The following TRPM6 variants were observed in gnomAD, a reference collection of about 807,000 sequenced individuals.
The protein encoded by TRPM6 is transient receptor potential cation channel subfamily M member 6.
TRPM6 carries 111 observed loss-of-function variants against 247.6 expected under a neutral mutation model. That is an observed-to-expected ratio of 0.45 (90% CI 0.38 to 0.52). The LOEUF (loss-of-function observed/expected upper bound fraction) is 0.52, where lower values mean the gene tolerates loss of function less well. Among genes scored for constraint, TRPM6 ranks in the 20% least tolerant of loss-of-function variants. TRPM6 has a pLI of 0.00. For synonymous variants in TRPM6, 892 were observed against 853.8 expected (o/e 1.04, Z -0.78); for missense variants, 2,126 against 2,421.5 (o/e 0.88, Z 2.56).
intron 1 of TRPM6, among the ~76,000 whole-genome samples, chr9:74,870,886 T>C (rs902361551): frequency 7.3e-5 from 11 of 151,526 alleles, no homozygotes; most frequent in African/African-American, 2.7e-4. Context: ...TGAGCCAAGA[T>C]AGTGCCACGG....
chr9:74,835,455 A>T (rs1829693510), intron 5 of TRPM6, among the ~76,000 whole-genome samples: 1 of 152,158 alleles, frequency 6.6e-6, no homozygotes, highest in Non-Finnish European at 1.5e-5. Flanking sequence ...TCATTAAGGC[A>T]AACTAATTTA....
intron 7 of TRPM6, among the ~76,000 whole-genome samples, chr9:74,823,726 G>C (rs1829214065): frequency 6.6e-6 from 1 of 152,126 alleles, no homozygotes; most frequent in African/African-American, 2.4e-5. Context: ...ATATTTTATT[G>C]ATTTTGGAAT....
intron 7 of TRPM6, 71 bp from the exon 8 acceptor site, chr9:74,821,908 C>G (rs1829141472): frequency 6.4e-7 from 1 of 1,553,790 alleles, no homozygotes; most frequent in Admixed American, 1.8e-5. Flanking sequence ...GTTTTGACTT[C>G]CAGACACAAG....
rs1050115502 is a variant in TRPM6, at chr9:74,723,819, T to C, written c.*794A>G. On this transcript the variant is annotated 3_prime_UTR_variant, in exon 39 of 39. Transcript: ENST00000360774. ...TCTCAAAAATAAAAATATATATATA[T>C]ATATATAAAATATATATATTCCATA... 6.8e-6 allele frequency: 1 copy of C among 146,088 alleles called. No individual in the cohort carries two copies. Among genetic ancestry groups the C allele is most frequent in the African/African-American group, 2.5e-5 (1 of 40,148 alleles). 9.0% of individuals were successfully genotyped at this position (146,088 alleles called of 1,614,324 possible).
intron 19 of TRPM6, among the ~76,000 whole-genome samples, chr9:74,789,146 T>C (rs1023126202): frequency 6.6e-6 from 1 of 152,192 alleles, no homozygotes; most frequent in African/African-American, 2.4e-5. Context: ...GCAGTGGCAA[T>C]AGATGCTTAT....
intron 6 of TRPM6, among the ~76,000 whole-genome samples, chr9:74,830,146 A>G (rs1829492110): frequency 6.6e-6 from 1 of 152,108 alleles, no homozygotes; most frequent in Non-Finnish European, 1.5e-5. Context: ...ACAAAACAAA[A>G]CAAAAAAACT....
In TRPM6 at chr9:74,802,040, T is replaced by A. The variant is rs1467717906; in HGVS notation, c.1867A>T (p.Met623Leu). Residue 623 changes from methionine (M) to leucine (L), a missense_variant, in exon 16 of 39, where the codon ATG (methionine) becomes TTG (leucine). Physicochemically the swap from Met to Leu is conservative, Grantham distance 15 (BLOSUM62 2). This residue lies in a region of TRPM6 where 1,082 missense variants were observed against 1,307.9 expected (regional missense o/e 0.83). Transcript: ENST00000360774. ...VWAVLMKRQK[M>L]AMFFWQHGEE... ...CCATGCTGCCAGAAGAACATAGCCA[T>A]CTTCTGCCTTTTCATCAGCACAGCC... is the stretch of plus-strand genomic sequence containing the variant. The A allele has an allele frequency of 1.9e-6, 3 of 1,614,186 alleles. No individual in the cohort carries two copies. The highest frequency in any genetic ancestry group is 3.3e-5 in the Admixed American group (2 of 60,032).
intron 3 of TRPM6, among the ~76,000 whole-genome samples, chr9:74,852,417 G>T (rs1329841415): frequency 1.4e-5 from 2 of 141,802 alleles, no homozygotes. Context: ...TCCCGCTCCC[G>T]CTCCCTCTCC....
At chr9:74,854,182 TA>T in intron 3 of TRPM6, among the ~76,000 whole-genome samples, 1 of 152,272 alleles carries the variant, frequency 6.6e-6, no homozygotes, top group Non-Finnish European at 1.5e-5. Context: ...AAAATAAAAC[TA>T]GTCTCATCTA....
chr9:74,788,851 C>T (rs183201970), intron 19 of TRPM6, 109 bp from the exon 20 acceptor site: 22 of 1,350,112 alleles, frequency 1.6e-5, no homozygotes, highest in African/African-American at 5.8e-5. Context: ...CATGATAACA[C>T]GAACACAGAA....
chr9:74,827,169 C>T (rs1213563822), intron 7 of TRPM6: 1 of 153,592 alleles, frequency 6.5e-6, no homozygotes, highest in Admixed American at 6.5e-5. Flanking sequence ...AAGCTAGCCT[C>T]CTTAATGCTC....
At chr9:74,761,319 T>C (rs1313520645) in intron 27 of TRPM6, among the ~76,000 whole-genome samples, 2 of 152,242 alleles carry the variant, frequency 1.3e-5, no homozygotes, top group African/African-American at 4.8e-5. Flanking sequence ...CAAATGTTCA[T>C]AACAGCTTTT....
chr9:74,789,915 T>C (rs4237269), intron 19 of TRPM6, among the ~76,000 whole-genome samples: 72,264 of 143,970 alleles, frequency 0.5, 17,951 homozygotes, highest in East Asian at 0.63. Flanking sequence ...GAGCCGAGAT[T>C]GCACCATTGC....
intron 1 of TRPM6, chr9:74,887,487 C>T: frequency 1.9e-6 from 2 of 1,068,140 alleles, no homozygotes; most frequent in Non-Finnish European, 2.7e-6. Flanking sequence ...TCAGAGCTGC[C>T]TCCTCTCCCG....
chr9:74,788,859 G>A (rs1827791434), intron 19 of TRPM6, 117 bp from the exon 20 acceptor site: 3 of 1,231,208 alleles, frequency 2.4e-6, no homozygotes, highest in South Asian at 2.6e-5. Flanking sequence ...CACGAACACA[G>A]AACTAGGACC....
At chr9:74,777,078 C>G (rs528870774) in intron 23 of TRPM6, among the ~76,000 whole-genome samples, 1 of 152,260 alleles carries the variant, frequency 6.6e-6, no homozygotes, top group East Asian at 1.9e-4. Flanking sequence ...ACATAGATGA[C>G]TGGGTTATAT....
chr9:74,859,440 G>T (rs1314128063), intron 1 of TRPM6, among the ~76,000 whole-genome samples: 1 of 152,156 alleles, frequency 6.6e-6, no homozygotes, highest in Non-Finnish European at 1.5e-5. Flanking sequence ...CTTGTGAGTA[G>T]TTCTAATATA....
At chr9:74,750,074 C>A (rs893510375) in intron 30 of TRPM6, among the ~76,000 whole-genome samples, 8 of 152,126 alleles carry the variant, frequency 5.3e-5, no homozygotes, top group Non-Finnish European at 1.5e-5. Context: ...TAGATATATA[C>A]TAATAAAATT....
chr9:74,886,345 A>G (rs1280039369), intron 1 of TRPM6, among the ~76,000 whole-genome samples: 2 of 152,216 alleles, frequency 1.3e-5, no homozygotes, highest in Non-Finnish European at 2.9e-5. Context: ...GTCCTGTAAG[A>G]ACCCAAAGCA....
Sources: allele counts gnomAD v4.1 joint callset (sites outside exome capture counted in the v4.1 genomes callset), GRCh38; gene constraint gnomAD v4.1.1; regional missense constraint gnomAD v4.1.1; transcripts MANE v1.5; gene names NCBI Gene and HGNC (gene_info 2026-07-23, HGNC 2026-07-21).